The following NR6A1 variants were observed in gnomAD, a reference collection of about 807,000 sequenced individuals.
NR6A1 encodes nuclear receptor subfamily 6 group A member 1.
Under a neutral mutation model 59.1 loss-of-function variants are expected in NR6A1, and 7 were observed. That is an observed-to-expected ratio of 0.12 (90% CI 0.07 to 0.22). The LOEUF is 0.22. Among genes scored for constraint, NR6A1 ranks in the 10% least tolerant of loss-of-function variants. NR6A1 has a pLI of 1.00. For synonymous variants in NR6A1, 243 were observed against 236.1 expected (o/e 1.03, Z -0.27); for missense variants, 468 against 611.6 (o/e 0.77, Z 2.48).
At chr9:124,735,848 A>C (rs1840006081) in intron 1 of NR6A1, among the ~76,000 whole-genome samples, 1 of 152,200 alleles carries the variant, frequency 6.6e-6, no homozygotes, top group Non-Finnish European at 1.5e-5. Flanking sequence ...GTACCTTATC[A>C]CTGTTCTCAC....
chr9:124,539,599 A>T (rs1485430038), intron 5 of NR6A1, among the ~76,000 whole-genome samples: 1 of 152,236 alleles, frequency 6.6e-6, no homozygotes, highest in Non-Finnish European at 1.5e-5. Context: ...GATAGCAGCA[A>T]ATTTGACTGG....
chr9:124,585,339 G>C (rs1834888793), intron 2 of NR6A1, among the ~76,000 whole-genome samples: 1 of 152,116 alleles, frequency 6.6e-6, no homozygotes, highest in Admixed American at 6.5e-5. Flanking sequence ...GGGAGATCGA[G>C]ACCATCCTGG....
chr9:124,600,119 G>A (rs913151954), intron 2 of NR6A1, among the ~76,000 whole-genome samples: 1 of 152,162 alleles, frequency 6.6e-6, no homozygotes, highest in African/African-American at 2.4e-5. Flanking sequence ...CAAGGAGAGG[G>A]ACTTGTATCC....
intron 5 of NR6A1, among the ~76,000 whole-genome samples, chr9:124,538,629 G>C (rs1395887989): frequency 6.6e-6 from 1 of 152,130 alleles, no homozygotes; most frequent in East Asian, 1.9e-4. Context: ...TTTTTTAACA[G>C]ATACTTGTAG....
chr9:124,611,423 A>C (rs1030025144), intron 2 of NR6A1, among the ~76,000 whole-genome samples: 1 of 152,108 alleles, frequency 6.6e-6, no homozygotes, highest in Non-Finnish European at 1.5e-5. Flanking sequence ...ACTACTCTCC[A>C]GTCTTTGCTC....
At chr9:124,676,188 A>G (rs1837953819) in intron 2 of NR6A1, among the ~76,000 whole-genome samples, 1 of 152,208 alleles carries the variant, frequency 6.6e-6, no homozygotes. Flanking sequence ...AAAACGGCAA[A>G]TTTATCAAAC....
rs1434034926 is a variant in NR6A1, at chr9:124,672,100, G to C, written c.142+61208C>G. On this transcript the variant is annotated intron_variant, in intron 2 of 9. Transcript: ENST00000487099. ...ACTTCGTTTCCTCAACATCCTGTCT[G>C]GGAGACGCAACCATGCTGCGGCATG... is the stretch of plus-strand genomic sequence containing the variant. 2.6e-5 allele frequency among the ~76,000 whole-genome samples: 4 copies of C among 152,150 alleles called. No homozygotes were observed. The South Asian group carries it at 8.3e-4, about 32-fold the overall frequency.
chr9:124,756,669 G>T (rs1455833002), intron 1 of NR6A1, among the ~76,000 whole-genome samples: 1 of 152,188 alleles, frequency 6.6e-6, no homozygotes, highest in African/African-American at 2.4e-5. Context: ...AGGAACCCAT[G>T]CAGATTTCTA....
At chr9:124,638,148 C>G (rs1020691104) in intron 2 of NR6A1, among the ~76,000 whole-genome samples, 1 of 151,540 alleles carries the variant, frequency 6.6e-6, no homozygotes, top group Non-Finnish European at 1.5e-5. Flanking sequence ...CCTAGCTACT[C>G]AGGAGGCTAA....
At chr9:124,613,164 T>C (rs536686915) in intron 2 of NR6A1, among the ~76,000 whole-genome samples, 65 of 152,020 alleles carry the variant, frequency 4.3e-4, no homozygotes, top group African/African-American at 1.5e-3. Flanking sequence ...GGTGAGACCC[T>C]ATCTCTACAA....
chr9:124,730,055 C>T (rs910059480), intron 2 of NR6A1, among the ~76,000 whole-genome samples: 17 of 152,058 alleles, frequency 1.1e-4, no homozygotes, highest in Admixed American at 1.3e-4. Context: ...TCGGGTGATC[C>T]GCCTGCCTCA....
intron 2 of NR6A1, among the ~76,000 whole-genome samples, chr9:124,605,409 C>G (rs928824508): frequency 1.3e-5 from 2 of 152,070 alleles, no homozygotes; most frequent in African/African-American, 4.8e-5. Flanking sequence ...ACTTGAGAGG[C>G]GTGAGTATCA....
At chr9:124,635,188 C>G (rs1287480208) in intron 2 of NR6A1, among the ~76,000 whole-genome samples, 2 of 152,116 alleles carry the variant, frequency 1.3e-5, no homozygotes, top group Non-Finnish European at 2.9e-5. Context: ...CCCCATTAAC[C>G]CTTGGAAACC....
chr9:124,610,017 T>C (rs72761493), intron 2 of NR6A1, among the ~76,000 whole-genome samples: 31 of 152,338 alleles, frequency 2.0e-4, no homozygotes, highest in Admixed American at 5.2e-4. Context: ...GCAGAAATGA[T>C]GGGTTTTTTA....
rs567131466 is a variant in NR6A1, at chr9:124,704,589, A to G, written c.142+28719T>C. On this transcript the variant is annotated intron_variant, in intron 2 of 9. Transcript: ENST00000487099. ...CTTCGGATTAGTTTGTGTTTTATCT[A>G]GTTTCTTACAATGGACGCTTACGTT... 2.6e-5 allele frequency among the ~76,000 whole-genome samples: 4 copies of G among 152,282 alleles called. No individual in the cohort carries two copies. In the East Asian group the frequency reaches 5.8e-4, roughly 22 times the overall value.
intron 2 of NR6A1, among the ~76,000 whole-genome samples, chr9:124,624,557 C>T (rs748859831): frequency 8.5e-5 from 13 of 152,156 alleles, no homozygotes; most frequent in Non-Finnish European, 1.8e-4. Flanking sequence ...AGAGACAGAA[C>T]GCTGGGACGG....
Position 124,726,095 on chromosome 9 carries a change from C to T in NR6A1, c.142+7213G>A, listed in dbSNP as rs558015562. 2.0e-5 allele frequency among the ~76,000 whole-genome samples: 3 copies of T among 152,300 alleles called. No individual in the cohort carries two copies. In the East Asian group the frequency reaches 5.8e-4, roughly 29 times the overall value. On this transcript the variant is annotated intron_variant, in intron 2 of 9. Coordinates refer to ENST00000487099, the MANE Select transcript of NR6A1 (RefSeq NM_033334.4). ...ATATTGGGTGATGTCAAAGGCATAT[C>T]ATACTTGAGGAAATCAGGCCAAGTA...
intron 2 of NR6A1, among the ~76,000 whole-genome samples, chr9:124,702,513 T>C (rs936793899): frequency 2.6e-5 from 4 of 152,136 alleles, no homozygotes; most frequent in Non-Finnish European, 4.4e-5. Context: ...TCCCTCCAAA[T>C]CATGTTGAAA....
intron 2 of NR6A1, among the ~76,000 whole-genome samples, chr9:124,661,124 A>G (rs1837420014): frequency 1.3e-5 from 2 of 152,098 alleles, no homozygotes; most frequent in Non-Finnish European, 2.9e-5. Flanking sequence ...TCTGGGTTGT[A>G]TTTTCCAAAA....
Sources: allele counts gnomAD v4.1 joint callset (sites outside exome capture counted in the v4.1 genomes callset), GRCh38; gene constraint gnomAD v4.1.1; transcripts MANE v1.5; gene names NCBI Gene and HGNC (gene_info 2026-07-23, HGNC 2026-07-21).